The following TDP1 variants were observed in gnomAD, a reference collection of about 807,000 sequenced individuals.
TDP1 encodes tyrosyl-DNA phosphodiesterase 1.
TDP1 carries 64 observed loss-of-function variants against 81.5 expected under a neutral mutation model. That is an observed-to-expected ratio of 0.79 (90% CI 0.64 to 0.97). The LOEUF (loss-of-function observed/expected upper bound fraction) is 0.97. Among genes scored for constraint, TDP1 ranks in the 50% least tolerant of loss-of-function variants. TDP1 has a pLI of 0.00. For missense variants in TDP1, 723 were observed against 743.8 expected (o/e 0.97, Z 0.33); for synonymous variants, 256 against 264.3 (o/e 0.97, Z 0.30).
intron 6 of TDP1, among the ~76,000 whole-genome samples, chr14:89,974,367 G>T (rs1252421475): frequency 6.6e-6 from 1 of 152,196 alleles, no homozygotes; most frequent in Non-Finnish European, 1.5e-5. Flanking sequence ...CTAAATATCA[G>T]TTTATAGAGT....
chr14:90,027,019 C>G (rs1886740100), intron 15 of TDP1, among the ~76,000 whole-genome samples: 2 of 152,152 alleles, frequency 1.3e-5, no homozygotes, highest in East Asian at 1.9e-4. Context: ...GTTCTAGATC[C>G]TTGAGGAATC....
intron 15 of TDP1, among the ~76,000 whole-genome samples, chr14:90,021,731 A>G (rs986036107): frequency 6.6e-6 from 1 of 152,264 alleles, no homozygotes; most frequent in African/African-American, 2.4e-5. Context: ...TAGAGATTGC[A>G]TTATTTATAA....
At chr14:90,014,479 G>A (rs936586298) in intron 14 of TDP1, among the ~76,000 whole-genome samples, 5 of 152,176 alleles carry the variant, frequency 3.3e-5, no homozygotes, top group African/African-American at 1.2e-4. Context: ...TCCCCTCCAC[G>A]TCAGTACAGC....
intron 15 of TDP1, among the ~76,000 whole-genome samples, chr14:90,023,511 T>C (rs1293322939): frequency 2.6e-5 from 4 of 152,160 alleles, no homozygotes; most frequent in African/African-American, 9.7e-5. Flanking sequence ...AGAATTTGAA[T>C]CTTACAAAAT....
intron 8 of TDP1, chr14:89,984,080 A>G: frequency 2.0e-6 from 2 of 982,092 alleles, no homozygotes; most frequent in South Asian, 9.4e-5. Flanking sequence ...GAAGAGCTGC[A>G]TTGATGCAGA....
chr14:89,980,746 C>A, intron 8 of TDP1, 114 bp downstream of exon 8: 1 of 867,094 alleles, frequency 1.2e-6, no homozygotes. Flanking sequence ...AAATAACACA[C>A]ATGGCCTAGA....
At chr14:89,969,996 C>T (rs983288652) in intron 5 of TDP1, among the ~76,000 whole-genome samples, 1 of 149,660 alleles carries the variant, frequency 6.7e-6, no homozygotes, top group African/African-American at 2.5e-5. Flanking sequence ...CCTGCCTCAG[C>T]CTCCCAAGTA....
chr14:90,019,215 A>G, intron 14 of TDP1, 101 bp from the exon 15 acceptor site: 1 of 1,298,992 alleles, frequency 7.7e-7, no homozygotes, highest in Non-Finnish European at 1.1e-6. Flanking sequence ...ATGTGATTGC[A>G]GCTATATATT....
intron 14 of TDP1, among the ~76,000 whole-genome samples, chr14:89,995,258 G>A (rs978793304): frequency 6.6e-6 from 1 of 152,204 alleles, no homozygotes; most frequent in Non-Finnish European, 1.5e-5. Context: ...GCAATCATGT[G>A]TATTTACTTA....
intron 6 of TDP1, among the ~76,000 whole-genome samples, chr14:89,972,539 T>C (rs912384063): frequency 1.3e-5 from 2 of 151,930 alleles, no homozygotes; most frequent in African/African-American, 2.4e-5. Flanking sequence ...CCTAATACTT[T>C]GCAGTTAGCA....
chr14:89,960,259 A>G (rs2139913527), intron 2 of TDP1, among the ~76,000 whole-genome samples: 1 of 152,302 alleles, frequency 6.6e-6, no homozygotes, highest in African/African-American at 2.4e-5. Flanking sequence ...CACTAGAGGA[A>G]CCTAAGGTTT....
intron 14 of TDP1, among the ~76,000 whole-genome samples, chr14:90,015,737 G>T (rs1846005808): frequency 6.6e-6 from 1 of 152,170 alleles, no homozygotes; most frequent in Non-Finnish European, 1.5e-5. Flanking sequence ...AAGGGCACCA[G>T]TCTCATTCAT....
At chr14:90,039,933 A>G (rs34154320) in intron 16 of TDP1, among the ~76,000 whole-genome samples, 9,397 of 152,214 alleles carry the variant, frequency 0.062, 386 homozygotes, top group South Asian at 0.13. Context: ...TCAAGGCCCC[A>G]CTGGCAGTCT....
rs558751561 is a variant in TDP1 at position 90,010,908 on chromosome 14, G to A, written c.1542-8408G>A. On this transcript the variant is annotated intron_variant, in intron 14 of 16. Coordinates refer to ENST00000335725, the MANE Select transcript of TDP1 (RefSeq NM_018319.4). ...ATACTTCACGGAGGTAAACATCAGC[G>A]TTCAGTAGTGATATGGGCTGGCTGT... Among the ~76,000 whole-genome samples, 11 of 152,208 alleles carry A rather than the reference G, an allele frequency of 7.2e-5. 1 individual carries two copies. The highest frequency in any genetic ancestry group is 2.0e-4 in the Admixed American group (3 of 15,292).
intron 14 of TDP1, among the ~76,000 whole-genome samples, chr14:89,998,749 G>A (rs1244037305): frequency 6.6e-6 from 1 of 151,944 alleles, no homozygotes; most frequent in Non-Finnish European, 1.5e-5. Flanking sequence ...GCGGGGTGGG[G>A]AGTGGGAATA....
chr14:89,989,706 C>G lies in TDP1; in HGVS notation c.1318-11C>G, dbSNP rs747096951. On this transcript the variant is annotated splice_polypyrimidine_tract_variant and intron_variant, in intron 11 of 16. Coordinates refer to ENST00000335725, the MANE Select transcript of TDP1 (RefSeq NM_018319.4). ...ACATTCCGAGTTTTATTGTTTTCCTCTTATTTTTAGATCTATCCTTCTGTG... is the reference window on the plus strand; with the variant it reads ...ACATTCCGAGTTTTATTGTTTTCCTGTTATTTTTAGATCTATCCTTCTGTG... 66 of 1,603,906 alleles carry G rather than the reference C, an allele frequency of 4.1e-5. No individual in the cohort carries two copies. In the Middle Eastern group the frequency reaches 8.2e-4, roughly 20 times the overall value.
intron 14 of TDP1, among the ~76,000 whole-genome samples, chr14:90,017,792 G>A (rs1885488619): frequency 6.6e-6 from 1 of 152,054 alleles, no homozygotes; most frequent in South Asian, 2.1e-4. Flanking sequence ...TGTCATCTTG[G>A]ACTTTTAAAA....
chr14:89,966,297 C>A (rs1023067327), intron 4 of TDP1, 107 bp downstream of exon 4: 19 of 797,404 alleles, frequency 2.4e-5, no homozygotes, highest in Non-Finnish European at 4.0e-5. Flanking sequence ...CAGTCCTGTT[C>A]AAAGACTGAG....
At chr14:90,005,121 T>C (rs1897546924) in intron 14 of TDP1, among the ~76,000 whole-genome samples, 1 of 152,240 alleles carries the variant, frequency 6.6e-6, no homozygotes, top group Non-Finnish European at 1.5e-5. Flanking sequence ...TATATTGGAC[T>C]ATTCAGTCTT....
Sources: gnomAD v4.1 joint callset for allele counts (sites outside exome capture counted in the v4.1 genomes callset) on GRCh38, gnomAD v4.1.1 for gene constraint, MANE v1.5 for transcripts, NCBI Gene and HGNC (gene_info 2026-07-23, HGNC 2026-07-21) for gene names.